Variants in ANO3 observed in about 807,000 individuals in gnomAD.
ANO3 encodes the protein anoctamin-3.
Under a neutral mutation model 144.8 loss-of-function variants are expected in ANO3, and 99 were observed. The ratio of observed to expected loss-of-function variants is 0.68; its 90% CI spans 0.58 to 0.81. ANO3 has a LOEUF of 0.81. Among genes scored for constraint, ANO3 ranks in the 30% least tolerant of loss-of-function variants. The pLI is 0.00. For missense variants in ANO3, 905 were observed against 1,202.2 expected (o/e 0.75, Z 3.66); for synonymous variants, 414 against 392.6 (o/e 1.05, Z -0.64).
chr11:26,351,731 T>C (rs1393397967), intron 1 of ANO3, among the ~76,000 whole-genome samples: 3 of 152,188 alleles, frequency 2.0e-5, no homozygotes, highest in Non-Finnish European at 4.4e-5. Context: ...AACTTGGTGA[T>C]TGGTAAAAGA....
At chr11:26,383,550 C>T (rs193266999) in intron 1 of ANO3, among the ~76,000 whole-genome samples, 30 of 120,044 alleles carry the variant, frequency 2.5e-4, no homozygotes, top group African/African-American at 6.8e-4. Flanking sequence ...TTACCCTATC[C>T]TAAATGACTT....
intron 1 of ANO3, among the ~76,000 whole-genome samples, chr11:26,360,375 C>T (rs1241110271): frequency 1.3e-5 from 2 of 151,866 alleles, no homozygotes; most frequent in East Asian, 1.9e-4. Flanking sequence ...TTCCCTGCAG[C>T]GTGATCAGAT....
intron 17 of ANO3, among the ~76,000 whole-genome samples, chr11:26,615,953 G>A (rs1852248433): frequency 6.6e-6 from 1 of 152,130 alleles, no homozygotes; most frequent in African/African-American, 2.4e-5. Context: ...TGGAGAGAAA[G>A]AGAATCACTG....
chr11:26,316,664 G>C, intron 1 of ANO3, among the ~76,000 whole-genome samples: 1 of 152,198 alleles, frequency 6.6e-6, no homozygotes, highest in East Asian at 1.9e-4. Flanking sequence ...GGCAAGGTAA[G>C]TGTGTTTATA....
At chr11:26,604,994 A>T (rs1405872436) in intron 17 of ANO3, among the ~76,000 whole-genome samples, 3 of 151,938 alleles carry the variant, frequency 2.0e-5, no homozygotes, top group African/African-American at 7.3e-5. Context: ...TCTTGTATTG[A>T]TTTTCAAAGA....
intron 1 of ANO3, among the ~76,000 whole-genome samples, chr11:26,341,988 A>G (rs1454440979): frequency 1.3e-5 from 2 of 152,186 alleles, no homozygotes; most frequent in African/African-American, 2.4e-5. Flanking sequence ...CTCCCAGTCC[A>G]CTGACTCAAA....
intron 1 of ANO3, among the ~76,000 whole-genome samples, chr11:26,295,560 C>T (rs147574841): frequency 1.3e-5 from 2 of 149,912 alleles, no homozygotes; most frequent in East Asian, 2.0e-4. Flanking sequence ...AGCAGTAAAC[C>T]TAATTGAAAA....
At chr11:26,344,758 T>C (rs1202876534) in intron 1 of ANO3, among the ~76,000 whole-genome samples, 1 of 152,170 alleles carries the variant, frequency 6.6e-6, no homozygotes, top group Non-Finnish European at 1.5e-5. Context: ...CCCACAGTAC[T>C]CCAAGATAAC....
intron 1 of ANO3, among the ~76,000 whole-genome samples, chr11:26,337,708 G>A (rs1855229450): frequency 6.6e-6 from 1 of 152,148 alleles, no homozygotes; most frequent in Non-Finnish European, 1.5e-5. Flanking sequence ...GGCGGAGGTG[G>A]TGGATCACTT....
chr11:26,402,441 CT>C (rs1272774042), intron 1 of ANO3, among the ~76,000 whole-genome samples: 3 of 151,964 alleles, frequency 2.0e-5, no homozygotes, highest in South Asian at 2.1e-4. Context: ...TGTATGTCTG[CT>C]TTTGAAAAGT....
At chr11:26,247,962 A>G (rs1030138931) in intron 1 of ANO3, among the ~76,000 whole-genome samples, 1 of 150,100 alleles carries the variant, frequency 6.7e-6, no homozygotes, top group Non-Finnish European at 1.5e-5. Flanking sequence ...CAAGCTCTTG[A>G]CCTCGTGATC....
intron 1 of ANO3, among the ~76,000 whole-genome samples, chr11:26,318,650 T>A (rs890082353): frequency 2.0e-5 from 3 of 152,196 alleles, no homozygotes; most frequent in African/African-American, 7.2e-5. Flanking sequence ...TGGGCTGGTG[T>A]ATTCAGAGGA....
chr11:26,448,253 C>T (rs1443761474), intron 3 of ANO3, among the ~76,000 whole-genome samples: 2 of 148,626 alleles, frequency 1.3e-5, no homozygotes, highest in South Asian at 4.2e-4. Context: ...GAGCCGAGAT[C>T]GTGCCACTGC....
At chr11:26,451,399 G>A (rs539304273) in intron 3 of ANO3, among the ~76,000 whole-genome samples, 3 of 152,170 alleles carry the variant, frequency 2.0e-5, no homozygotes, top group Admixed American at 1.3e-4. Flanking sequence ...GCGCTTTTCC[G>A]ACGGGCTTAA....
chr11:26,509,810 AG>A (rs1861586402), intron 5 of ANO3, among the ~76,000 whole-genome samples: 1 of 149,852 alleles, frequency 6.7e-6, no homozygotes, highest in Non-Finnish European at 1.5e-5. Context: ...AACACACATT[AG>A]GAAGTACTAA....
chr11:26,211,487 A>T (rs1317853848), intron 1 of ANO3, among the ~76,000 whole-genome samples: 1 of 152,224 alleles, frequency 6.6e-6, no homozygotes, highest in African/African-American at 2.4e-5. Flanking sequence ...ATCACTACAG[A>T]CATGCAAATC....
At chr11:26,614,998 T>C (rs1852209502) in intron 17 of ANO3, among the ~76,000 whole-genome samples, 1 of 151,714 alleles carries the variant, frequency 6.6e-6, no homozygotes, top group South Asian at 2.1e-4. Flanking sequence ...TACATATATA[T>C]TCTATTCTAT....
intron 12 of ANO3, among the ~76,000 whole-genome samples, chr11:26,549,505 G>T (rs1425714516): frequency 6.6e-6 from 1 of 151,766 alleles, no homozygotes; most frequent in Non-Finnish European, 1.5e-5. Context: ...TTTGCTTGTT[G>T]CAGGGTAGAA....
chr11:26,327,156 C>T (rs966974751), upstream of ANO3, among the ~76,000 whole-genome samples: 5 of 152,122 alleles, frequency 3.3e-5, no homozygotes, highest in South Asian at 2.1e-4. Context: ...TTATGGAAAG[C>T]CATTCATTCA....
Sources: gnomAD v4.1 joint callset for allele counts (sites outside exome capture counted in the v4.1 genomes callset) on GRCh38, gnomAD v4.1.1 for gene constraint, MANE v1.5 for transcripts, NCBI Gene and HGNC (gene_info 2026-07-23, HGNC 2026-07-21) for gene names.